TMEM140: variants seen among roughly 807,000 people sequenced by gnomAD.
TMEM140 encodes the protein transmembrane protein 140.
For missense variants in TMEM140, 236 were observed against 228.5 expected (o/e 1.03, Z -0.21); for synonymous variants, 107 against 106.8 (o/e 1.00, Z -0.01).
rs1049962814 is a variant in TMEM140, at chr7:135,165,101, G to A, written c.*102G>A. ...GCTAACGCTGATCTCCAGCTCCAGC[G>A]ATGGAACCCACTACAGAGGAGGTGG... On this transcript the variant is annotated 3_prime_UTR_variant, in exon 2 of 2. Coordinates refer to ENST00000275767, the MANE Select transcript of TMEM140 (RefSeq NM_018295.5). 7.1e-6 allele frequency: 10 copies of A among 1,399,304 alleles called. No homozygotes were observed. The highest frequency in any genetic ancestry group is 4.8e-5 in the East Asian group (2 of 41,406). 86.7% of individuals were successfully genotyped at this position (1,399,304 alleles called of 1,614,324 possible).
chr7:135,164,566 T>C lies in TMEM140; in HGVS notation c.125T>C (p.Leu42Pro). ...TGGGAGGCTGGCAACCTCACTGACC[T>C]GCCCAACCTGAGAATCGGCTTCTAT... ...LLWEAGNLTD[L>P]PNLRIGFYNF... Residue 42 changes from leucine (L) to proline (P), a missense_variant, in exon 2 of 2, where the codon CTG becomes CCG. Leu to Pro is a moderately conservative substitution (Grantham distance 98). Coordinates refer to ENST00000275767, the MANE Select transcript of TMEM140 (RefSeq NM_018295.5). 6.2e-7 allele frequency: 1 copy of C among 1,614,254 alleles called. No homozygotes were observed. The highest frequency in any genetic ancestry group is 8.5e-7 in the Non-Finnish European group (1 of 1,180,044).
At chr7:135,160,281 G>A (rs556142963) in intron 1 of TMEM140, among the ~76,000 whole-genome samples, 1 of 152,292 alleles carries the variant, frequency 6.6e-6, no homozygotes, top group South Asian at 2.1e-4. Flanking sequence ...AACAGGAAAA[G>A]GTTTATCTAA....
At chr7:135,155,999 C>T (rs914371910) in intron 1 of TMEM140, among the ~76,000 whole-genome samples, 1 of 151,850 alleles carries the variant, frequency 6.6e-6, no homozygotes, top group African/African-American at 2.4e-5. Context: ...CTTATTCTGG[C>T]AGGATACAAA....
At chr7:135,153,820 T>G (rs1184517630) in intron 1 of TMEM140, among the ~76,000 whole-genome samples, 2 of 152,216 alleles carry the variant, frequency 1.3e-5, no homozygotes, top group African/African-American at 4.8e-5. Context: ...TGTGTCCTTG[T>G]CTGGTTTTTA....
intron 1 of TMEM140, 80 bp from the exon 2 acceptor site, chr7:135,164,338 C>A: frequency 1.7e-6 from 2 of 1,200,038 alleles, no homozygotes; most frequent in South Asian, 1.4e-5. Context: ...GTAAGAAATG[C>A]CAAAGGGAGA....
At chr7:135,158,740 T>C (rs1829856028) in intron 1 of TMEM140, among the ~76,000 whole-genome samples, 1 of 151,988 alleles carries the variant, frequency 6.6e-6, no homozygotes, top group African/African-American at 2.4e-5. Flanking sequence ...CTCACATCTG[T>C]CTCAATAGCA....
At chr7:135,150,849 G>A (rs924903071) in intron 1 of TMEM140, among the ~76,000 whole-genome samples, 2 of 152,162 alleles carry the variant, frequency 1.3e-5, no homozygotes, top group Non-Finnish European at 2.9e-5. Context: ...GAGCAAGACT[G>A]TCTCAAACAA....
intron 1 of TMEM140, among the ~76,000 whole-genome samples, chr7:135,149,864 C>T (rs1306581095): frequency 2.6e-5 from 4 of 151,978 alleles, no homozygotes; most frequent in South Asian, 2.1e-4. Context: ...TGACAGTTTG[C>T]GTAAACATTT....
intron 1 of TMEM140, among the ~76,000 whole-genome samples, chr7:135,162,957 G>A (rs1829983959): frequency 6.6e-6 from 1 of 152,190 alleles, no homozygotes. Flanking sequence ...ATTTTCTGTA[G>A]GCCAGTTAGG....
In TMEM140 at chr7:135,161,149, T is replaced by C. The variant is rs968247168; in HGVS notation, c.-24-3269T>C. 6.6e-6 allele frequency among the ~76,000 whole-genome samples: 1 copy of C among 152,208 alleles called. No individual in the cohort carries two copies. The highest frequency in any genetic ancestry group is 6.5e-5 in the Admixed American group (1 of 15,286). On this transcript the variant is annotated intron_variant, in intron 1 of 1. Transcript: ENST00000275767. This position sits in a 1 kb window ranked among gnomAD's most constrained non-coding sequence, Gnocchi z 4.1. ...GAGGCCACCACCTTCTCCACATGCC[T>C]GGTCCTGGGCTTCTTGGCTCGTTTT... is the stretch of plus-strand genomic sequence containing the variant.
At position 135,151,179 on chromosome 7, in the gene TMEM140, T is replaced by G. The variant is rs1206254604; in HGVS notation, c.-25+2909T>G. Among the ~76,000 whole-genome samples the G allele has an allele frequency of 6.6e-6, 1 of 152,194 alleles. No homozygotes were observed. Among genetic ancestry groups the G allele is most frequent in the Non-Finnish European group, 1.5e-5 (1 of 68,032 alleles). On this transcript the variant is annotated intron_variant, in intron 1 of 1. Transcript: ENST00000275767. This position sits in a 1 kb window ranked among gnomAD's most constrained non-coding sequence, Gnocchi z 4.3. ...TAAATCAAAACATCACAGCATTCAT[T>G]AAAAACTTGGTGGTTGGGATGGCTG...
rs1415378256 is a variant in TMEM140 at position 135,151,303 on chromosome 7, C to G, written c.-25+3033C>G. On this transcript the variant is annotated intron_variant, in intron 1 of 1. Transcript: ENST00000275767. This position sits in a 1 kb window ranked among gnomAD's most constrained non-coding sequence, Gnocchi z 4.3. ...GTTTTGAAAAGAATTAGAACCTGGACTCATGTTTCTACCAAAGGAAATATG... is the reference window on the plus strand; with the variant it reads ...GTTTTGAAAAGAATTAGAACCTGGAGTCATGTTTCTACCAAAGGAAATATG... 6.6e-6 allele frequency among the ~76,000 whole-genome samples: 1 copy of G among 152,174 alleles called. No individual in the cohort carries two copies. Among genetic ancestry groups the G allele is most frequent in the African/African-American group, 2.4e-5 (1 of 41,450 alleles).
intron 1 of TMEM140, among the ~76,000 whole-genome samples, chr7:135,157,822 G>T (rs141586266): frequency 4.6e-5 from 7 of 152,316 alleles, no homozygotes; most frequent in Non-Finnish European, 7.4e-5. Context: ...TCCTACCAGG[G>T]TGGCAGCTGC....
At chr7:135,159,066 C>G (rs190446151) in intron 1 of TMEM140, among the ~76,000 whole-genome samples, 13 of 152,346 alleles carry the variant, frequency 8.5e-5, no homozygotes, top group African/African-American at 2.9e-4. Context: ...AGGGGGTTCT[C>G]TCTTACTGTT....
intron 1 of TMEM140, among the ~76,000 whole-genome samples, chr7:135,159,345 A>G (rs1450384868): frequency 6.6e-6 from 1 of 152,270 alleles, no homozygotes; most frequent in Non-Finnish European, 1.5e-5. Flanking sequence ...ATTTAGAATT[A>G]AATGATACAA....
chr7:135,160,186 C>T (rs1000714002), intron 1 of TMEM140, among the ~76,000 whole-genome samples: 3 of 152,192 alleles, frequency 2.0e-5, no homozygotes, highest in African/African-American at 7.2e-5. Flanking sequence ...GTTATTTCTA[C>T]GACCTGAAGT....
At chr7:135,152,247 T>C (rs921751655) in intron 1 of TMEM140, among the ~76,000 whole-genome samples, 12 of 152,224 alleles carry the variant, frequency 7.9e-5, no homozygotes, top group African/African-American at 2.7e-4. Context: ...AAGCCATAGC[T>C]TCAAGGTCCA....
At chr7:135,154,197 GT>G (rs1246070773) in intron 1 of TMEM140, among the ~76,000 whole-genome samples, 1 of 151,990 alleles carries the variant, frequency 6.6e-6, no homozygotes, top group Non-Finnish European at 1.5e-5. Context: ...ATTTCTGATT[GT>G]GTTTATTTGG....
chr7:135,162,836 A>C (rs2117468962), intron 1 of TMEM140, among the ~76,000 whole-genome samples: 1 of 152,356 alleles, frequency 6.6e-6, no homozygotes, highest in South Asian at 2.1e-4. Flanking sequence ...ACTGTTTCAG[A>C]GACCAACTGG....
Sources: allele counts gnomAD v4.1 joint callset (sites outside exome capture counted in the v4.1 genomes callset), GRCh38; gene constraint gnomAD v4.1.1; non-coding constraint Gnocchi (gnomAD v3.1); transcripts MANE v1.5; gene names NCBI Gene and HGNC (gene_info 2026-07-23, HGNC 2026-07-21).